SAMD4B: variants seen among roughly 807,000 people sequenced by gnomAD.
SAMD4B encodes the protein protein Smaug homolog 2.
SAMD4B carries 5 observed loss-of-function variants against 74.5 expected under a neutral mutation model. That is an observed-to-expected ratio of 0.07 (90% CI 0.04 to 0.14). SAMD4B has a LOEUF of 0.14. Ranked by LOEUF, SAMD4B falls within the 10% of genes least tolerant of loss-of-function variation. The probability of loss-of-function intolerance (pLI) is 1.00; values close to 1 mark genes in which losing one functional copy is unlikely to be tolerated. For synonymous variants in SAMD4B, 373 were observed against 374.9 expected, an observed-to-expected ratio of 1.00 and a Z score of 0.06; for missense variants, 608 against 921.8, an observed-to-expected ratio of 0.66 and a Z score of 4.41.
chr19:39,370,367 G>T (rs1252704713), intron 4 of SAMD4B, among the ~76,000 whole-genome samples: 2 of 152,194 alleles, frequency 1.3e-5, no homozygotes, highest in Non-Finnish European at 2.9e-5. Context: ...TTAAATAAAT[G>T]TGAGTGGTAC....
At chr19:39,370,713 A>G (rs2077241383) in intron 4 of SAMD4B, among the ~76,000 whole-genome samples, 1 of 152,252 alleles carries the variant, frequency 6.6e-6, no homozygotes, top group Non-Finnish European at 1.5e-5. Flanking sequence ...TTCTGAGAAC[A>G]CTGTCTGTAT....
At position 39,380,732 on chromosome 19, in the gene SAMD4B, G is replaced by A. The variant is rs754924139; in HGVS notation, c.1795G>A (p.Val599Ile). ...CCTGAGCCCCTCGGGCATTGGGGGT[G>A]TCTCCCCTCGACATGCCCTCACCAG... ...GLLSPSGIGGVSPRHALTSPS... is the reference protein window; with the variant it reads ...GLLSPSGIGGISPRHALTSPS... Residue 599 changes from valine to isoleucine, a missense_variant, in exon 11 of 14, where the codon GTC (valine) becomes ATC (isoleucine). By Grantham distance (29) the Val-to-Ile change is conservative. Transcript: ENST00000610417. 23 of 1,604,680 alleles carry A rather than the reference G, an allele frequency of 1.4e-5. No homozygotes were observed. The highest frequency in any genetic ancestry group is 2.0e-5 in the Non-Finnish European group (23 of 1,175,484).
chr19:39,344,307 C>T (rs571052522), intron 1 of SAMD4B, among the ~76,000 whole-genome samples: 6 of 152,210 alleles, frequency 3.9e-5, no homozygotes, highest in African/African-American at 1.2e-4. Context: ...CAGAAGACCC[C>T]GCCTTCCCCA....
At chr19:39,353,264 A>G (rs1241139523) in intron 1 of SAMD4B, among the ~76,000 whole-genome samples, 1 of 152,218 alleles carries the variant, frequency 6.6e-6, no homozygotes, top group African/African-American at 2.4e-5. Flanking sequence ...GTCAGGAAGT[A>G]TGCTGCCTTA....
chr19:39,353,166 C>T (rs1053533371), intron 1 of SAMD4B, among the ~76,000 whole-genome samples: 10 of 152,132 alleles, frequency 6.6e-5, no homozygotes, highest in East Asian at 5.8e-4. Flanking sequence ...GAAGGAAAAC[C>T]GATTTTTTTA....
chr19:39,362,407 C>T (rs1287893489), intron 3 of SAMD4B, among the ~76,000 whole-genome samples: 1 of 152,130 alleles, frequency 6.6e-6, no homozygotes, highest in Non-Finnish European at 1.5e-5. Context: ...TGGCCTAGGT[C>T]ATCGCTTCCT....
intron 2 of SAMD4B, among the ~76,000 whole-genome samples, chr19:39,354,634 T>C (rs545008798): frequency 2.0e-5 from 3 of 152,204 alleles, no homozygotes; most frequent in African/African-American, 7.2e-5. Context: ...GAGTGCCAAA[T>C]TATATAGGAA....
intron 3 of SAMD4B, among the ~76,000 whole-genome samples, chr19:39,364,435 T>C (rs1164475500): frequency 6.6e-6 from 1 of 152,232 alleles, no homozygotes; most frequent in Non-Finnish European, 1.5e-5. Flanking sequence ...TGTCAGATGC[T>C]TTTCATGCAT....
chr19:39,390,256 T>C, downstream of SAMD4B: 1 of 1,613,692 alleles, frequency 6.2e-7, no homozygotes, highest in Non-Finnish European at 8.5e-7. Context: ...ACAGTGGGGC[T>C]CACCTCTCAG....
chr19:39,383,648 T>C lies in SAMD4B; in HGVS notation c.*121T>C. 7 of 1,600,344 alleles carry C rather than the reference T, an allele frequency of 4.4e-6. No homozygotes were observed. The highest frequency in any genetic ancestry group is 6.0e-6 in the Non-Finnish European group (7 of 1,174,816). ...GCTCAGCTATATATTCTAATATTTTTCTACTCTCTTACCCTCTTAACTTTT... is the reference window on the plus strand; with the variant it reads ...GCTCAGCTATATATTCTAATATTTTCCTACTCTCTTACCCTCTTAACTTTT... On this transcript the variant is annotated 3_prime_UTR_variant, in exon 14 of 14. Coordinates refer to ENST00000610417, the MANE Select transcript of SAMD4B (RefSeq NM_001384574.2). The surrounding 1 kb of genome is among the most constrained non-coding windows in gnomAD (Gnocchi z 4.1).
chr19:39,388,209 TCTG>T (rs2078295655), downstream of SAMD4B: 3 of 853,796 alleles, frequency 3.5e-6, no homozygotes, highest in South Asian at 4.9e-5. Context: ...TGACCAGACA[TCTG>T]CTGCTCTTGT....
intron 2 of SAMD4B, among the ~76,000 whole-genome samples, chr19:39,356,428 T>C (rs549089805): frequency 3.3e-5 from 5 of 152,216 alleles, no homozygotes; most frequent in African/African-American, 9.6e-5. Flanking sequence ...TTTGACACTA[T>C]GACAGCCAGG....
intron 1 of SAMD4B, among the ~76,000 whole-genome samples, chr19:39,352,680 T>C (rs1280081425): frequency 2.0e-5 from 3 of 150,866 alleles, no homozygotes; most frequent in Admixed American, 6.6e-5. Context: ...GACCCTATTA[T>C]GTCCGAAAGC....
In SAMD4B at chr19:39,369,665, C is replaced by T; in HGVS notation, c.207C>T (p.Ser69=). The T allele has an allele frequency of 6.2e-7, 1 of 1,613,796 alleles. No homozygotes were observed. Among genetic ancestry groups the T allele is most frequent in the South Asian group, 1.1e-5 (1 of 91,044 alleles). Reference sequence around the variant, plus strand: ...TTATCCCTTCTGTAGCCATCGTCAGCCAGTGGCAGCAGGAGTCCAAAGAGA... The same window carrying T: ...TTATCCCTTCTGTAGCCATCGTCAGTCAGTGGCAGCAGGAGTCCAAAGAGA... ...ESEANSAAIV[S]QWQQESKEKV... is the part of the protein sequence containing the mutation. The change falls in exon 4 of 14, where the codon AGC becomes AGT. Residue 69 remains serine (S), a synonymous_variant. Coordinates refer to ENST00000610417, the MANE Select transcript of SAMD4B (RefSeq NM_001384574.2).
chr19:39,369,566 CTGAGGGAATAGGCCATAGGCAG>C, intron 3 of SAMD4B, 67 bp from the exon 4 acceptor site: 1 of 985,996 alleles, frequency 1.0e-6, no homozygotes, highest in Non-Finnish European at 1.5e-6. Context: ...AAGATTGGAG[CTGAGGGAATAGGCCATAGGCAG>C]TGCTCTCAGG....
At chr19:39,342,912 C>T (rs1301802423) in intron 1 of SAMD4B, among the ~76,000 whole-genome samples, 7 of 151,228 alleles carry the variant, frequency 4.6e-5, no homozygotes, top group Admixed American at 4.6e-4. Flanking sequence ...TGCCGATCCC[C>T]CGTGTGCGCC....
At chr19:39,358,267 A>T (rs574520594) in intron 3 of SAMD4B, among the ~76,000 whole-genome samples, 1 of 152,324 alleles carries the variant, frequency 6.6e-6, no homozygotes, top group African/African-American at 2.4e-5. Flanking sequence ...GCGAAACTCT[A>T]TCTCAAACAA....
Position 39,376,480 on chromosome 19 carries a change from A to G in SAMD4B, c.951A>G (p.Ala317=), listed in dbSNP as rs2077606128. The G allele has an allele frequency of 6.2e-7, 1 of 1,613,522 alleles. No individual in the cohort carries two copies. Among genetic ancestry groups the G allele is most frequent in the South Asian group, 1.1e-5 (1 of 91,092 alleles). Residue 317 remains alanine, a synonymous_variant, in exon 6 of 14, where the codon GCA becomes GCG. Coordinates refer to ENST00000610417, the MANE Select transcript of SAMD4B (RefSeq NM_001384574.2). ...AGAGCCTCCGTTTGCACAAGTATGC[A>G]GCCCTCTTCTCACAGATGAGCTACG... ...WLKSLRLHKY[A]ALFSQMSYEE...
At chr19:39,380,470 T>C (rs1434723192) in intron 10 of SAMD4B, 117 bp from the exon 11 acceptor site, 1 of 1,076,010 alleles carries the variant, frequency 9.3e-7, no homozygotes, top group Non-Finnish European at 1.4e-6. Context: ...GGACAGAATG[T>C]GTGATGGAGG....
Sources: allele counts gnomAD v4.1 joint callset (sites outside exome capture counted in the v4.1 genomes callset), GRCh38; gene constraint gnomAD v4.1.1; non-coding constraint Gnocchi (gnomAD v3.1); transcripts MANE v1.5; gene names NCBI Gene and HGNC (gene_info 2026-07-23, HGNC 2026-07-21).